SGCZ: variants seen among roughly 807,000 people sequenced by gnomAD.
SGCZ encodes zeta-sarcoglycan.
Under a neutral mutation model 41.3 loss-of-function variants are expected in SGCZ, and 40 were observed. The ratio of observed to expected loss-of-function variants is 0.97; its 90% confidence interval spans 0.75 to 1.26. The LOEUF is 1.26. Ranked by LOEUF, SGCZ falls within the 50% of genes most tolerant of loss-of-function variation. SGCZ has a pLI of 0.00. For missense variants in SGCZ, 552 were observed against 369.8 expected (o/e 1.49, Z -4.04); for synonymous variants, 206 against 137.5 (o/e 1.50, Z -3.49).
Position 14,728,379 on chromosome 8 carries a change from GA to G in SGCZ, c.40-173454del, listed in dbSNP as rs35151621. Among the ~76,000 whole-genome samples the G allele has an allele frequency of 4.9e-3, 676 of 138,316 alleles. 12 individuals are homozygous for G. The highest frequency in any genetic ancestry group is 0.017 in the African/African-American group (642 of 37,718). The allele number at this position is 138,316 out of a possible 152,430, so 90.7% of individuals were successfully genotyped here. On this transcript the variant is annotated intron_variant, in intron 1 of 7. Coordinates refer to ENST00000382080, the MANE Select transcript of SGCZ (RefSeq NM_139167.4). ...AAAAGTAGAACCAAAAGAGTGGAAAGAAAAAAAAAACATAATAAAGACAAAA... is the reference window on the plus strand; with the variant it reads ...AAAAGTAGAACCAAAAGAGTGGAAAGAAAAAAAAACATAATAAAGACAAAA...
intron 1 of SGCZ, among the ~76,000 whole-genome samples, chr8:14,700,688 T>C (rs1348983071): frequency 2.0e-5 from 3 of 152,034 alleles, no homozygotes; most frequent in African/African-American, 7.2e-5. Flanking sequence ...GTTTAGGAAA[T>C]ATGTTCATGT....
chr8:14,516,889 A>C (rs1262535941), intron 2 of SGCZ, among the ~76,000 whole-genome samples: 1 of 152,078 alleles, frequency 6.6e-6, no homozygotes, highest in Non-Finnish European at 1.5e-5. Context: ...AGAAACAACA[A>C]GCTGACACCA....
At position 15,138,660 on chromosome 8, in the gene SGCZ, G is replaced by C. The variant is rs567345295; in HGVS notation, c.39+98925C>G. 1.4e-4 allele frequency among the ~76,000 whole-genome samples: 21 copies of C among 152,286 alleles called. No homozygotes were observed. In the East Asian group the frequency reaches 3.3e-3, roughly 24 times the overall value. The stretch of plus-strand genomic sequence containing the variant: ...ATTCTCTCTCCTGCCACCCTGTGAA[G>C]AGGTGCCTGCCACCATGATTGTAAG... On this transcript the variant is annotated intron_variant, in intron 1 of 7. Coordinates refer to ENST00000382080, the MANE Select transcript of SGCZ (RefSeq NM_139167.4).
intron 1 of SGCZ, among the ~76,000 whole-genome samples, chr8:14,850,790 C>A (rs2130652545): frequency 6.6e-6 from 1 of 152,204 alleles, no homozygotes; most frequent in East Asian, 1.9e-4. Context: ...TGAGTGAGTT[C>A]TCAGGACACC....
intron 1 of SGCZ, among the ~76,000 whole-genome samples, chr8:14,577,283 T>C (rs1308632550): frequency 6.6e-6 from 1 of 151,832 alleles, no homozygotes; most frequent in Admixed American, 6.6e-5. Flanking sequence ...AAGTATGTCA[T>C]AAATATTTCA....
chr8:14,572,693 T>A (rs1307275217), intron 1 of SGCZ, among the ~76,000 whole-genome samples: 2 of 152,134 alleles, frequency 1.3e-5, no homozygotes, highest in Admixed American at 6.5e-5. Context: ...ATACAGATCA[T>A]TTCCTTCATA....
chr8:14,529,178 A>G (rs1366192763), intron 2 of SGCZ, among the ~76,000 whole-genome samples: 1 of 152,158 alleles, frequency 6.6e-6, no homozygotes, highest in South Asian at 2.1e-4. Context: ...ATAAAGTCAT[A>G]AGTACTTGCA....
intron 2 of SGCZ, among the ~76,000 whole-genome samples, chr8:14,432,490 G>C (rs558923886): frequency 6.6e-6 from 1 of 152,282 alleles, no homozygotes; most frequent in Admixed American, 6.5e-5. Context: ...CATATGCAAA[G>C]GCATAAGTAT....
chr8:14,193,118 T>C (rs529875467), intron 4 of SGCZ, among the ~76,000 whole-genome samples: 6 of 151,854 alleles, frequency 4.0e-5, no homozygotes, highest in Non-Finnish European at 8.9e-5. Flanking sequence ...TATTCTTAAA[T>C]CAAGTTTTCT....
chr8:14,127,457 T>A (rs1431793434), intron 5 of SGCZ, among the ~76,000 whole-genome samples: 1 of 152,072 alleles, frequency 6.6e-6, no homozygotes. Context: ...TTTTTATTTC[T>A]ATTTATTTAT....
intron 3 of SGCZ, among the ~76,000 whole-genome samples, chr8:14,244,694 T>C (rs970952456): frequency 2.3e-4 from 35 of 152,038 alleles, no homozygotes; most frequent in Non-Finnish European, 4.1e-4. Flanking sequence ...AGTATGGCCA[T>C]TTTCACGATA....
At chr8:14,185,166 C>G (rs1280472383) in intron 4 of SGCZ, among the ~76,000 whole-genome samples, 1 of 152,010 alleles carries the variant, frequency 6.6e-6, no homozygotes, top group African/African-American at 2.4e-5. Flanking sequence ...CTTTGGGAGG[C>G]CAAGAGGGGT....
At chr8:14,558,639 C>T (rs968214321) in intron 1 of SGCZ, among the ~76,000 whole-genome samples, 1 of 136,628 alleles carries the variant, frequency 7.3e-6, no homozygotes, top group Non-Finnish European at 1.6e-5. Flanking sequence ...TTATATGATG[C>T]CAGTATCACC....
intron 1 of SGCZ, among the ~76,000 whole-genome samples, chr8:14,587,271 A>T (rs998270607): frequency 6.6e-6 from 1 of 151,624 alleles, no homozygotes; most frequent in East Asian, 1.9e-4. Flanking sequence ...CCAGATTTTT[A>T]AAAAACTGAA....
chr8:14,097,578 G>A (rs1269292495), intron 7 of SGCZ, among the ~76,000 whole-genome samples: 1 of 152,196 alleles, frequency 6.6e-6, no homozygotes, highest in Non-Finnish European at 1.5e-5. Flanking sequence ...ATTTGGGGTG[G>A]AGAGTTCTGT....
At chr8:14,707,421 T>G (rs1019184595) in intron 1 of SGCZ, among the ~76,000 whole-genome samples, 1 of 152,092 alleles carries the variant, frequency 6.6e-6, no homozygotes, top group African/African-American at 2.4e-5. Context: ...AATTAAGATT[T>G]CCCAAAACAA....
At chr8:14,646,444 AC>A (rs77061606) in intron 1 of SGCZ, among the ~76,000 whole-genome samples, 22,286 of 151,836 alleles carry the variant, frequency 0.15, 2,008 homozygotes, top group Admixed American at 0.22. Flanking sequence ...TCATTATCCA[AC>A]CCACTGTTGA....
chr8:14,130,236 G>A (rs935453391), intron 5 of SGCZ, among the ~76,000 whole-genome samples: 4 of 151,280 alleles, frequency 2.6e-5, no homozygotes, highest in East Asian at 1.9e-4. Context: ...ACACACACAC[G>A]CAATTTAATT....
At chr8:14,800,433 T>C in intron 1 of SGCZ, among the ~76,000 whole-genome samples, 2 of 152,128 alleles carry the variant, frequency 1.3e-5, no homozygotes, top group East Asian at 3.9e-4. Flanking sequence ...ATTTTTTATT[T>C]TGCATCTCTA....
Sources: gnomAD v4.1 joint callset for allele counts (sites outside exome capture counted in the v4.1 genomes callset) on GRCh38, gnomAD v4.1.1 for gene constraint, MANE v1.5 for transcripts, NCBI Gene and HGNC (gene_info 2026-07-23, HGNC 2026-07-21) for gene names.